Variants in CALN1 observed in about 807,000 individuals in gnomAD.
The protein encoded by CALN1 is calneuron 1.
In CALN1, 17 loss-of-function variants were observed where a neutral mutation model predicts 30.6. The ratio of observed to expected loss-of-function variants is 0.56; its 90% CI spans 0.38 to 0.83. The LOEUF (loss-of-function observed/expected upper bound fraction) is 0.83, where lower values mean the gene tolerates loss of function less well. CALN1 is among the 40% of genes least tolerant of loss of function. The pLI is 0.00. For missense variants in CALN1, 291 were observed against 354.9 expected (o/e 0.82, Z 1.45); for synonymous variants, 156 against 131.4 (o/e 1.19, Z -1.28).
At chr7:72,208,129 A>G (rs571522891) in intron 3 of CALN1, among the ~76,000 whole-genome samples, 1 of 152,338 alleles carries the variant, frequency 6.6e-6, no homozygotes, top group East Asian at 1.9e-4. Flanking sequence ...TTATTTAATA[A>G]AAGCCTCAGA....
intron 5 of CALN1, among the ~76,000 whole-genome samples, chr7:71,866,219 G>A (rs1791578756): frequency 6.6e-6 from 1 of 151,982 alleles, no homozygotes. Flanking sequence ...ATGTTAGCCA[G>A]GATGGTCTAG....
chr7:72,431,720 T>C (rs1807985913), intron 1 of CALN1, among the ~76,000 whole-genome samples: 1 of 152,038 alleles, frequency 6.6e-6, no homozygotes, highest in Non-Finnish European at 1.5e-5. Context: ...TGCGTGCCTG[T>C]AGTCCTGGCT....
At chr7:72,135,857 G>A (rs905707467) in intron 3 of CALN1, among the ~76,000 whole-genome samples, 9 of 152,118 alleles carry the variant, frequency 5.9e-5, no homozygotes, top group African/African-American at 1.9e-4. Context: ...TTTAGGCTGG[G>A]TGCAGTGGCT....
intron 2 of CALN1, among the ~76,000 whole-genome samples, chr7:72,327,038 G>A (rs1461807078): frequency 6.6e-6 from 1 of 152,174 alleles, no homozygotes; most frequent in East Asian, 1.9e-4. Context: ...AATCACATGA[G>A]ACTCCAATCC....
chr7:72,499,826 C>CTTCCTTCTTTCT, the CALN1 span, among the ~76,000 whole-genome samples: 3 of 53,306 alleles, frequency 5.6e-5, no homozygotes, highest in African/African-American at 1.0e-4. Flanking sequence ...TCCTTCCTTC[C>CTTCCTTCTTTCT]TTCTTTCTTT....
chr7:72,406,628 C>CTTTTT lies in CALN1; in HGVS notation c.-73-3191_-73-3187dup, dbSNP rs71914682. The stretch of plus-strand genomic sequence containing the variant: ...GGTCCTTGTCAGCTTTTTTTTTTTT[C>CTTTTT]TTTTTTAAGACGGAGTCTTGTTCTG... On this transcript the variant is annotated intron_variant, in intron 1 of 6. Coordinates refer to ENST00000395275, the MANE Select transcript of CALN1 (RefSeq NM_031468.4). Among the ~76,000 whole-genome samples the CTTTTT allele has an allele frequency of 4.6e-3, 665 of 144,762 alleles. 13 individuals carry two copies. In the East Asian group the frequency reaches 0.071, roughly 15 times the overall value. The allele number at this position is 144,762 out of a possible 152,430, so 95.0% of individuals were successfully genotyped here. A position where few individuals can be genotyped will look rare whatever the true frequency, so the allele number is the denominator to read the frequency against.
intron 1 of CALN1, among the ~76,000 whole-genome samples, chr7:72,411,638 T>A (rs1807155094): frequency 1.3e-5 from 2 of 152,182 alleles, no homozygotes; most frequent in South Asian, 4.1e-4. Context: ...TGGGAGGAAA[T>A]ACGAAAAGTC....
rs188730717 is a variant in CALN1 at position 71,972,206 on chromosome 7, G to A, written c.501+51451C>T. Among the ~76,000 whole-genome samples, 782 of 152,118 alleles carry A rather than the reference G, an allele frequency of 5.1e-3. 7 individuals carry two copies. Among genetic ancestry groups the A allele is most frequent in the Non-Finnish European group, 6.6e-3 (451 of 67,994 alleles). The stretch of plus-strand genomic sequence containing the variant: ...CTCTCTGAAACCTTCAGCCTTCTAG[G>A]GGTCCACAGGCCCAAAGCTTAATGA... On this transcript the variant is annotated intron_variant, in intron 5 of 6. Coordinates refer to ENST00000395275, the MANE Select transcript of CALN1 (RefSeq NM_031468.4).
chr7:72,128,333 G>A (rs1808910200), intron 3 of CALN1, among the ~76,000 whole-genome samples: 1 of 151,944 alleles, frequency 6.6e-6, no homozygotes, highest in African/African-American at 2.4e-5. Flanking sequence ...CAAATAATGG[G>A]GAAAGATGAA....
chr7:72,298,130 T>C (rs1228038831), intron 2 of CALN1, among the ~76,000 whole-genome samples: 6 of 152,226 alleles, frequency 3.9e-5, no homozygotes, highest in African/African-American at 1.2e-4. Context: ...ATTTCCTCAA[T>C]CTTTGTTAAA....
At chr7:72,069,240 C>T (rs959269188) in intron 4 of CALN1, among the ~76,000 whole-genome samples, 15 of 152,170 alleles carry the variant, frequency 9.9e-5, no homozygotes, top group African/African-American at 2.7e-4. Context: ...AATGGGTCCC[C>T]GCTGCTCAGG....
intron 2 of CALN1, among the ~76,000 whole-genome samples, chr7:72,305,405 A>G (rs1045458063): frequency 1.3e-5 from 2 of 152,180 alleles, no homozygotes; most frequent in South Asian, 2.1e-4. Context: ...CTTTTAATTA[A>G]TAAGTTGAAT....
intron 3 of CALN1, among the ~76,000 whole-genome samples, chr7:72,181,109 CCAA>C (rs1431388811): frequency 1.7e-4 from 9 of 53,436 alleles, no homozygotes; most frequent in Admixed American, 3.7e-4. Flanking sequence ...CCCCCCCCCC[CCAA>C]AAAAAAAAAA....
At chr7:72,017,974 G>C (rs1171609416) in intron 5 of CALN1, among the ~76,000 whole-genome samples, 1 of 152,040 alleles carries the variant, frequency 6.6e-6, no homozygotes, top group Non-Finnish European at 1.5e-5. Context: ...AGTGTTGGCT[G>C]GCCCCCAGGA....
chr7:72,335,741 G>A (rs1039617002), intron 2 of CALN1, among the ~76,000 whole-genome samples: 1 of 152,196 alleles, frequency 6.6e-6, no homozygotes, highest in African/African-American at 2.4e-5. Context: ...CAAGAAAAAA[G>A]AGCAGTGGGA....
At chr7:71,913,474 G>A (rs1794529134) in intron 5 of CALN1, among the ~76,000 whole-genome samples, 1 of 152,224 alleles carries the variant, frequency 6.6e-6, no homozygotes, top group African/African-American at 2.4e-5. Context: ...TCAGGGCCAG[G>A]CTTCTCTCTA....
intron 2 of CALN1, among the ~76,000 whole-genome samples, chr7:72,338,563 C>T (rs952339577): frequency 6.9e-5 from 10 of 145,766 alleles, no homozygotes; most frequent in Non-Finnish European, 1.2e-4. Context: ...CCCTGAGGCA[C>T]TCATTGTGGG....
chr7:72,280,436 T>C (rs943424964), intron 2 of CALN1, among the ~76,000 whole-genome samples: 3 of 152,228 alleles, frequency 2.0e-5, no homozygotes, highest in Non-Finnish European at 2.9e-5. Context: ...AAGAGGTACA[T>C]CTTCAGCTAG....
intron 3 of CALN1, among the ~76,000 whole-genome samples, chr7:72,275,031 T>C (rs1797247488): frequency 6.6e-6 from 1 of 152,042 alleles, no homozygotes; most frequent in South Asian, 2.1e-4. Flanking sequence ...CCTTTGGCCC[T>C]TACACTGGAG....
Sources: gnomAD v4.1 joint callset for allele counts (sites outside exome capture counted in the v4.1 genomes callset) on GRCh38, gnomAD v4.1.1 for gene constraint, MANE v1.5 for transcripts, NCBI Gene and HGNC (gene_info 2026-07-23, HGNC 2026-07-21) for gene names.